The following ERG variants were observed in gnomAD, a reference collection of about 807,000 sequenced individuals.
ERG encodes ETS transcription factor ERG.
ERG carries 9 observed loss-of-function variants against 55.3 expected under a neutral mutation model. The ratio of observed to expected loss-of-function variants is 0.16; its 90% CI spans 0.10 to 0.28. ERG has a LOEUF of 0.28. ERG is among the 10% of genes least tolerant of loss of function. The probability of loss-of-function intolerance (pLI) is 1.00; values close to 1 mark genes in which losing one functional copy is unlikely to be tolerated. For synonymous variants in ERG, 223 were observed against 237.3 expected (o/e 0.94, Z 0.55); for missense variants, 434 against 631.6 (o/e 0.69, Z 3.35).
intron 1 of ERG, among the ~76,000 whole-genome samples, chr21:38,491,557 T>A (rs1487294657): frequency 2.0e-5 from 3 of 152,254 alleles, no homozygotes; most frequent in Non-Finnish European, 4.4e-5. Context: ...GAGGTTAATG[T>A]TATGATTGGA....
At chr21:38,606,675 A>AT (rs2060198702) in intron 1 of ERG, among the ~76,000 whole-genome samples, 1 of 152,228 alleles carries the variant, frequency 6.6e-6, no homozygotes, top group Admixed American at 6.5e-5. Context: ...GTATAAATCA[A>AT]TAACAGACAG....
At chr21:38,580,052 C>T (rs2060019291) in intron 1 of ERG, among the ~76,000 whole-genome samples, 1 of 152,144 alleles carries the variant, frequency 6.6e-6, no homozygotes, top group African/African-American at 2.4e-5. Context: ...GATCTCCTGA[C>T]CTCTTGATCC....
chr21:38,509,887 A>T (rs1192927805), intron 2 of ERG, among the ~76,000 whole-genome samples: 1 of 152,188 alleles, frequency 6.6e-6, no homozygotes, highest in Non-Finnish European at 1.5e-5. Context: ...GCTCCTAGAA[A>T]TCAGAGGCTC....
intron 1 of ERG, among the ~76,000 whole-genome samples, chr21:38,642,210 A>G (rs2060429497): frequency 6.6e-6 from 1 of 152,274 alleles, no homozygotes; most frequent in Admixed American, 6.5e-5. Flanking sequence ...AAGTGTATAT[A>G]TAATATGATC....
intron 1 of ERG, among the ~76,000 whole-genome samples, chr21:38,476,122 G>C (rs2059184457): frequency 6.6e-6 from 1 of 152,190 alleles, no homozygotes; most frequent in East Asian, 1.9e-4. Context: ...CTGCATCACA[G>C]GTGCTCCCTG....
intron 1 of ERG, among the ~76,000 whole-genome samples, chr21:38,614,880 T>C (rs2060249655): frequency 6.6e-6 from 1 of 152,252 alleles, no homozygotes; most frequent in Non-Finnish European, 1.5e-5. Flanking sequence ...ATGAGATTCC[T>C]GGGACAGGCT....
At chr21:38,540,955 G>C (rs748247069) in intron 2 of ERG, among the ~76,000 whole-genome samples, 1 of 152,188 alleles carries the variant, frequency 6.6e-6, no homozygotes, top group Non-Finnish European at 1.5e-5. Context: ...TCTGGGTGGA[G>C]CTCCTTGCTT....
the ERG span, among the ~76,000 whole-genome samples, chr21:38,368,282 C>G: frequency 0.045 from 6,778 of 152,066 alleles, 210 homozygotes; most frequent in Middle Eastern, 0.065. Flanking sequence ...ATTGCATGAC[C>G]CCTAAATAAT....
intron 2 of ERG, among the ~76,000 whole-genome samples, chr21:38,561,924 T>G (rs181914235): frequency 1.3e-5 from 2 of 152,336 alleles, no homozygotes; most frequent in Admixed American, 1.3e-4. Flanking sequence ...AGAAGTAACA[T>G]GTACTCTCAA....
intron 1 of ERG, among the ~76,000 whole-genome samples, chr21:38,491,206 T>TAAA (rs113260996): frequency 8.0e-6 from 1 of 124,244 alleles, no homozygotes; most frequent in Admixed American, 7.9e-5. Context: ...CTGTCAAAAT[T>TAAA]AAAAAAAAAA....
chr21:38,514,219 T>C (rs2059535379), intron 2 of ERG, among the ~76,000 whole-genome samples: 1 of 150,922 alleles, frequency 6.6e-6, no homozygotes. Flanking sequence ...AATTCTAACA[T>C]GCATTTAAAA....
At chr21:38,414,259 AT>A (rs1366874222) in intron 3 of ERG, among the ~76,000 whole-genome samples, 1 of 152,112 alleles carries the variant, frequency 6.6e-6, no homozygotes, top group Non-Finnish European at 1.5e-5. Flanking sequence ...CTATGTCCAA[AT>A]TTCTCCTTTG....
chr21:38,454,753 C>T (rs1397101253), intron 1 of ERG, among the ~76,000 whole-genome samples: 1 of 152,180 alleles, frequency 6.6e-6, no homozygotes, highest in Admixed American at 6.5e-5. Context: ...AAGCCAGATG[C>T]AAGGAAAATC....
In ERG at chr21:38,403,380, G is replaced by A. The variant is rs749953534; in HGVS notation, c.592+126C>T. The A allele has an allele frequency of 4.8e-5, 42 of 875,144 alleles. No homozygotes were observed. The Middle Eastern group carries it at 1.0e-3, about 22-fold the overall frequency. 54.2% of individuals were successfully genotyped at this position (875,144 alleles called of 1,614,324 possible). A position where few individuals can be genotyped will look rare whatever the true frequency, so the allele number is the denominator to read the frequency against. Reference sequence around the variant, plus strand: ...CACATACCAAGCATGTGGCTCCCTCGGATCCCCAGTGGGAACTGGGCGAGG... The same window carrying A: ...CACATACCAAGCATGTGGCTCCCTCAGATCCCCAGTGGGAACTGGGCGAGG... On this transcript the variant is annotated intron_variant, in intron 4 of 9. Transcript: ENST00000288319.
At chr21:38,654,915 A>G (rs1490094864) in intron 1 of ERG, among the ~76,000 whole-genome samples, 1 of 150,618 alleles carries the variant, frequency 6.6e-6, no homozygotes, top group Non-Finnish European at 1.5e-5. Context: ...AATTTTAATG[A>G]GAATCCATTC....
At position 38,381,776 on chromosome 21, in the gene ERG, T is replaced by C; in HGVS notation, c.*1627A>G. The C allele has an allele frequency of 6.6e-6, 7 of 1,063,436 alleles. No homozygotes were observed. The highest frequency in any genetic ancestry group is 8.0e-6 in the Non-Finnish European group (7 of 878,176). The allele number at this position is 1,063,436 out of a possible 1,614,324, so 65.9% of individuals were successfully genotyped here. ...CCTCTTTCCATTCCAGGCATAAATA[T>C]GGAGGCTCCAATGTGAAACCCGGGG... is the stretch of plus-strand genomic sequence containing the variant. On this transcript the variant is annotated 3_prime_UTR_variant, in exon 10 of 10. Transcript: ENST00000288319.
chr21:38,591,595 G>A (rs2060100499), intron 1 of ERG, among the ~76,000 whole-genome samples: 1 of 152,166 alleles, frequency 6.6e-6, no homozygotes, highest in African/African-American at 2.4e-5. Flanking sequence ...AGAAGGCTGA[G>A]GCAAGAGAAT....
intron 7 of ERG, among the ~76,000 whole-genome samples, chr21:38,391,959 A>AG (rs1987990654): frequency 6.6e-6 from 1 of 152,118 alleles, no homozygotes; most frequent in Non-Finnish European, 1.5e-5. Flanking sequence ...CAAAAGTAAA[A>AG]AAAAAAAAGA....
chr21:38,391,655 A>T lies in ERG; in HGVS notation c.871+4T>A, dbSNP rs2146428785. 1 of 1,612,448 alleles carries T rather than the reference A, an allele frequency of 6.2e-7. No homozygotes were observed. Among genetic ancestry groups the T allele is most frequent in the Non-Finnish European group, 8.5e-7 (1 of 1,179,184 alleles). On this transcript the variant is annotated splice_donor_region_variant and intron_variant, in intron 8 of 9. Transcript: ENST00000288319. Reference sequence around the variant, plus strand: ...TGGTTATCCAGACGGCCCCTGAAACATACCTAACTGAGGACGCTGGTCTTC... The same window carrying T: ...TGGTTATCCAGACGGCCCCTGAAACTTACCTAACTGAGGACGCTGGTCTTC...
Sources: gnomAD v4.1 joint callset for allele counts (sites outside exome capture counted in the v4.1 genomes callset) on GRCh38, gnomAD v4.1.1 for gene constraint, MANE v1.5 for transcripts, NCBI Gene and HGNC (gene_info 2026-07-23, HGNC 2026-07-21) for gene names.